ADARB2: variants seen among roughly 807,000 people sequenced by gnomAD.
The protein encoded by ADARB2 is adenosine deaminase RNA specific B2 (inactive), also known as inactive double-stranded RNA-specific editase B2.
Under a neutral mutation model 62.2 loss-of-function variants are expected in ADARB2, and 25 were observed. The observed-to-expected ratio is 0.40, with a 90% CI of 0.29 to 0.56. ADARB2 has a LOEUF of 0.56. Ranked by LOEUF, ADARB2 falls within the 20% of genes least tolerant of loss-of-function variation. The pLI is 0.43. For missense variants in ADARB2, 1,071 were observed against 1,077.4 expected (o/e 0.99, Z 0.08); for synonymous variants, 572 against 500.8 (o/e 1.14, Z -1.90).
At chr10:1,519,780 ACT>A (rs1420990290) in intron 1 of ADARB2, among the ~76,000 whole-genome samples, 2 of 151,350 alleles carry the variant, frequency 1.3e-5, no homozygotes, top group South Asian at 4.2e-4. Context: ...GGATCTTGTA[ACT>A]CTTACCTCCC....
At chr10:1,379,623 A>G (rs1832464789) in intron 1 of ADARB2, among the ~76,000 whole-genome samples, 2 of 152,242 alleles carry the variant, frequency 1.3e-5, no homozygotes, top group Non-Finnish European at 1.5e-5. Flanking sequence ...CTTGACATGC[A>G]TTAAAAATAA....
In ADARB2 at chr10:1,180,999, G is replaced by A. The variant is rs1213498802; in HGVS notation, c.*2194C>T. ...ATGATGCTGGCCACTGGGTGGCCGA[G>A]CGCTTTCCGAGTCCCGTGAATCAGA... is the stretch of plus-strand genomic sequence containing the variant. On this transcript the variant is annotated 3_prime_UTR_variant, in exon 10 of 10. Coordinates refer to ENST00000381312, the MANE Select transcript of ADARB2 (RefSeq NM_018702.4). 1.3e-5 allele frequency: 2 copies of A among 152,238 alleles called. No individual in the cohort carries two copies. Among genetic ancestry groups the A allele is most frequent in the Non-Finnish European group, 2.9e-5 (2 of 68,048 alleles). 9.4% of individuals were successfully genotyped at this position (152,238 alleles called of 1,614,324 possible).
chr10:1,458,306 C>T (rs533831524), intron 1 of ADARB2, among the ~76,000 whole-genome samples: 1 of 152,174 alleles, frequency 6.6e-6, no homozygotes, highest in Non-Finnish European at 1.5e-5. Flanking sequence ...TGTCAATCTC[C>T]TGGCCCTAAT....
At chr10:1,414,193 A>T (rs760385831) in intron 1 of ADARB2, among the ~76,000 whole-genome samples, 5 of 152,164 alleles carry the variant, frequency 3.3e-5, no homozygotes, top group Non-Finnish European at 5.9e-5. Context: ...TGATGGGGGG[A>T]ATACAGTAAG....
At chr10:1,510,152 C>CTTTCTTTCTTTCTTTCTTTCTTTA (rs1831915984) in intron 1 of ADARB2, among the ~76,000 whole-genome samples, 1 of 121,334 alleles carries the variant, frequency 8.2e-6, no homozygotes. Flanking sequence ...TTCTTTCTTT[C>CTTTCTTTCTTTCTTTCTTTCTTTA]TTTCTTTCTT....
At chr10:1,331,566 T>C (rs1260919350) in intron 3 of ADARB2, among the ~76,000 whole-genome samples, 8 of 152,166 alleles carry the variant, frequency 5.3e-5, no homozygotes, top group Non-Finnish European at 1.5e-5. Flanking sequence ...GAAAGATCAG[T>C]GGTTGCTAGG....
intron 4 of ADARB2, among the ~76,000 whole-genome samples, chr10:1,244,235 G>A (rs1010079074): frequency 2.6e-5 from 4 of 152,252 alleles, no homozygotes; most frequent in Non-Finnish European, 5.9e-5. Flanking sequence ...TTGAGAAATG[G>A]TTCACAAGGA....
chr10:1,212,822 G>C (rs11250336), intron 7 of ADARB2, among the ~76,000 whole-genome samples: 2,751 of 75,232 alleles, frequency 0.037, no homozygotes, highest in East Asian at 0.074. Flanking sequence ...GGCCCTGAGT[G>C]CACCTCACTG....
intron 1 of ADARB2, among the ~76,000 whole-genome samples, chr10:1,437,600 C>G (rs765352410): frequency 3.3e-5 from 5 of 152,058 alleles, no homozygotes; most frequent in African/African-American, 1.2e-4. Flanking sequence ...TCACCTGAGC[C>G]GATTGGGAAA....
Position 1,280,559 on chromosome 10 carries a change from T to C in ADARB2, c.1078-9490A>G, listed in dbSNP as rs181949243. 2.4e-3 allele frequency among the ~76,000 whole-genome samples: 367 copies of C among 151,210 alleles called. 1 individual carries two copies. Among genetic ancestry groups the C allele is most frequent in the Middle Eastern group, 0.01 (3 of 294 alleles). Reference sequence around the variant, plus strand: ...TGTGGATCCTGAAATTCCTAAGTGATGCTCCGTGAAATTCCTAAGTGACGC... The same window carrying C: ...TGTGGATCCTGAAATTCCTAAGTGACGCTCCGTGAAATTCCTAAGTGACGC... On this transcript the variant is annotated intron_variant, in intron 3 of 9. Coordinates refer to ENST00000381312, the MANE Select transcript of ADARB2 (RefSeq NM_018702.4).
chr10:1,723,312 G>A (rs150891535), intron 1 of ADARB2, among the ~76,000 whole-genome samples: 1 of 152,286 alleles, frequency 6.6e-6, no homozygotes, highest in East Asian at 1.9e-4. Flanking sequence ...CTGTCCTCTG[G>A]GGACCTGAGC....
chr10:1,664,451 C>T (rs911020210), intron 1 of ADARB2, among the ~76,000 whole-genome samples: 2 of 152,240 alleles, frequency 1.3e-5, no homozygotes, highest in Admixed American at 6.5e-5. Flanking sequence ...TGTTGCTCCA[C>T]ATCCTTCAAA....
At chr10:1,659,400 G>A (rs183596478) in intron 1 of ADARB2, among the ~76,000 whole-genome samples, 3 of 152,254 alleles carry the variant, frequency 2.0e-5, no homozygotes, top group Non-Finnish European at 4.4e-5. Flanking sequence ...ACAGAAAATG[G>A]GGGTCCCCAC....
At chr10:1,219,004 T>C (rs1453201640) in intron 6 of ADARB2, among the ~76,000 whole-genome samples, 9 of 147,496 alleles carry the variant, frequency 6.1e-5, no homozygotes, top group African/African-American at 2.0e-4. Context: ...GAGCCGAGAT[T>C]GTGCCACTGT....
chr10:1,491,292 A>G (rs1161778060), intron 1 of ADARB2, among the ~76,000 whole-genome samples: 1 of 151,712 alleles, frequency 6.6e-6, no homozygotes, highest in Non-Finnish European at 1.5e-5. Context: ...CTGGTCTGGA[A>G]CTCCTGGGCT....
At chr10:1,510,110 C>CTCTTTCTCTCTTTCCTTCTTTCTT in intron 1 of ADARB2, among the ~76,000 whole-genome samples, 1 of 106,252 alleles carries the variant, frequency 9.4e-6, no homozygotes, top group South Asian at 3.7e-4. Flanking sequence ...CTTTCTTTCT[C>CTCTTTCTCTCTTTCCTTCTTTCTT]TCTTTCTTTC....
chr10:1,578,738 C>T (rs531314064), intron 1 of ADARB2, among the ~76,000 whole-genome samples: 3 of 67,684 alleles, frequency 4.4e-5, no homozygotes, highest in Non-Finnish European at 6.8e-5. Flanking sequence ...CACACATTCA[C>T]GCCGCACACA....
chr10:1,219,199 T>C (rs7904179), intron 6 of ADARB2, among the ~76,000 whole-genome samples: 120,384 of 152,092 alleles, frequency 0.79, 47,852 homozygotes, highest in African/African-American at 0.87. Context: ...GTATAGCCTG[T>C]GGAACCTCAA....
At chr10:1,443,564 G>A (rs1291103357) in intron 1 of ADARB2, among the ~76,000 whole-genome samples, 1 of 152,004 alleles carries the variant, frequency 6.6e-6, no homozygotes, top group Non-Finnish European at 1.5e-5. Flanking sequence ...TGGGACCAGA[G>A]GACAATGAAA....
Sources: allele counts gnomAD v4.1 joint callset (sites outside exome capture counted in the v4.1 genomes callset), GRCh38; gene constraint gnomAD v4.1.1; transcripts MANE v1.5; gene names NCBI Gene and HGNC (gene_info 2026-07-23, HGNC 2026-07-21).